PLPPR1: variants seen among roughly 807,000 people sequenced by gnomAD.
PLPPR1 encodes the protein phospholipid phosphatase related 1.
PLPPR1 carries 10 observed loss-of-function variants against 33.1 expected under a neutral mutation model. The ratio of observed to expected loss-of-function variants is 0.30; its 90% CI spans 0.19 to 0.51. PLPPR1 has a LOEUF of 0.51. Among genes scored for constraint, PLPPR1 ranks in the 20% least tolerant of loss-of-function variants. The pLI is 0.97. For missense variants in PLPPR1, 304 were observed against 408.1 expected (o/e 0.74, Z 2.20); for synonymous variants, 151 against 151.0 (o/e 1.00, Z 0.00).
rs1457388306 is a variant in PLPPR1, at chr9:101,078,190, GGGGGGGA to G, written c.-46+49094_-46+49100del. On this transcript the variant is annotated intron_variant, in intron 1 of 7. Transcript: ENST00000374874. ...AAGAAGAAGAAGAAGAAGAAGAGGA[GGGGGGGA>G]GGGGGAGGGGGAGGGGGAGGGGGGA... 2.1e-4 allele frequency among the ~76,000 whole-genome samples: 8 copies of G among 38,588 alleles called. 1 individual carries two copies. The highest frequency in any genetic ancestry group is 1.0e-3 in the African/African-American group (8 of 7,778). The allele number at this position is 38,588 out of a possible 152,430, so 25.3% of individuals were successfully genotyped here.
At chr9:101,064,745 G>A (rs894436712) in intron 1 of PLPPR1, among the ~76,000 whole-genome samples, 15 of 151,992 alleles carry the variant, frequency 9.9e-5, no homozygotes, top group African/African-American at 3.6e-4. Flanking sequence ...CTGGAGGCTG[G>A]GAGGTCTAAG....
intron 1 of PLPPR1, among the ~76,000 whole-genome samples, chr9:101,042,742 T>G (rs1588004192): frequency 6.6e-6 from 1 of 152,204 alleles, no homozygotes; most frequent in African/African-American, 2.4e-5. Flanking sequence ...CAGGGTAATA[T>G]TCTGTAAATG....
At position 101,056,845 on chromosome 9, in the gene PLPPR1, G is replaced by T. The variant is rs376734312; in HGVS notation, c.-46+27743G>T. On this transcript the variant is annotated intron_variant, in intron 1 of 7. Coordinates refer to ENST00000374874, the MANE Select transcript of PLPPR1 (RefSeq NM_207299.2). ...GTGGACCAGTGAGTTTAGAAATGGG[G>T]ATGGAGTGGACTGAAGTATGAACCA... is the stretch of plus-strand genomic sequence containing the variant. Among the ~76,000 whole-genome samples, 7 of 152,246 alleles carry T rather than the reference G, an allele frequency of 4.6e-5. No homozygotes were observed. The East Asian group carries it at 7.7e-4, about 17-fold the overall frequency.
chr9:101,124,779 A>G (rs959909210), intron 1 of PLPPR1, among the ~76,000 whole-genome samples: 1 of 152,098 alleles, frequency 6.6e-6, no homozygotes, highest in Non-Finnish European at 1.5e-5. Context: ...ACTCAAGTAA[A>G]TCCTCTTCCC....
At chr9:101,122,777 T>G (rs1008101328) in intron 1 of PLPPR1, among the ~76,000 whole-genome samples, 3 of 152,240 alleles carry the variant, frequency 2.0e-5, no homozygotes, top group African/African-American at 7.2e-5. Flanking sequence ...TTTTGTATAC[T>G]ACTGTACTTC....
intron 1 of PLPPR1, among the ~76,000 whole-genome samples, chr9:101,115,359 G>C (rs1384463437): frequency 6.6e-6 from 1 of 152,228 alleles, no homozygotes; most frequent in Non-Finnish European, 1.5e-5. Context: ...ATAGTTGTGA[G>C]AGTGATGACT....
Position 101,269,853 on chromosome 9 carries a change from C to T in PLPPR1, c.64-27C>T, listed in dbSNP as rs201000833. 1.2e-5 allele frequency: 20 copies of T among 1,612,340 alleles called. No individual in the cohort carries two copies. In the African/African-American group the frequency reaches 2.7e-4, roughly 21 times the overall value. On this transcript the variant is annotated intron_variant, in intron 2 of 7. Coordinates refer to ENST00000374874, the MANE Select transcript of PLPPR1 (RefSeq NM_207299.2). ...GGCTGCTCCGAAGCCCTGCTAATGT[C>T]TCTGTGTGGCCATGCTGTATTTTCA... is the stretch of plus-strand genomic sequence containing the variant.
intron 4 of PLPPR1, among the ~76,000 whole-genome samples, chr9:101,289,256 A>G (rs1434148938): frequency 2.0e-5 from 3 of 152,142 alleles, no homozygotes; most frequent in Non-Finnish European, 4.4e-5. Flanking sequence ...TACCAATCCC[A>G]TCAACTAGTT....
chr9:101,265,995 CA>C (rs939753643), intron 2 of PLPPR1, among the ~76,000 whole-genome samples: 12 of 140,780 alleles, frequency 8.5e-5, no homozygotes, highest in Admixed American at 4.2e-4. Context: ...GACACCGCCT[CA>C]AAAAAAAAAG....
chr9:101,302,921 A>G lies in PLPPR1; in HGVS notation c.386-6290A>G, dbSNP rs1828779315. 2.6e-5 allele frequency among the ~76,000 whole-genome samples: 4 copies of G among 152,224 alleles called. 1 individual carries two copies. The highest frequency in any genetic ancestry group is 2.6e-4 in the Admixed American group (4 of 15,280). On this transcript the variant is annotated intron_variant, in intron 4 of 7. Transcript: ENST00000374874. Reference sequence around the variant, plus strand: ...CATGCTACTACTTTCACTATCTTTCACGACATCGTTTTACCATAGAGAAAC... The same window carrying G: ...CATGCTACTACTTTCACTATCTTTCGCGACATCGTTTTACCATAGAGAAAC...
At chr9:101,125,180 T>A (rs1831229274) in intron 1 of PLPPR1, among the ~76,000 whole-genome samples, 1 of 152,230 alleles carries the variant, frequency 6.6e-6, no homozygotes, top group Admixed American at 6.5e-5. Flanking sequence ...GACCTTATAT[T>A]GCTAGTCTTC....
chr9:101,277,284 C>T (rs1041817681), intron 3 of PLPPR1, among the ~76,000 whole-genome samples: 3 of 152,172 alleles, frequency 2.0e-5, no homozygotes, highest in African/African-American at 7.2e-5. Flanking sequence ...TCTCCTCTTC[C>T]TCAGAGTGTT....
chr9:101,033,244 C>T (rs1450918699), intron 1 of PLPPR1, among the ~76,000 whole-genome samples: 1 of 152,128 alleles, frequency 6.6e-6, no homozygotes, highest in African/African-American at 2.4e-5. Context: ...AAATTGACTA[C>T]AGGGAGTGCA....
In PLPPR1 at chr9:101,324,350, T is replaced by C. The variant is rs905751680; in HGVS notation, c.*293T>C. 5.4e-5 allele frequency: 16 copies of C among 297,168 alleles called. No homozygotes were observed. Among genetic ancestry groups the C allele is most frequent in the Non-Finnish European group, 9.2e-5 (15 of 162,176 alleles). 18.4% of individuals were successfully genotyped at this position (297,168 alleles called of 1,614,324 possible). On this transcript the variant is annotated 3_prime_UTR_variant, in exon 8 of 8. Coordinates refer to ENST00000374874, the MANE Select transcript of PLPPR1 (RefSeq NM_207299.2). ...TTCAATGGTTGACGTTGTTTTGTGA[T>C]ATTTGTACACAAATTTTCTTTTCTC... is the stretch of plus-strand genomic sequence containing the variant.
intron 1 of PLPPR1, among the ~76,000 whole-genome samples, chr9:101,113,645 A>G (rs959884741): frequency 1.3e-5 from 2 of 152,158 alleles, no homozygotes; most frequent in Non-Finnish European, 1.5e-5. Flanking sequence ...AAAACAAAAA[A>G]CAAAAAACAA....
intron 2 of PLPPR1, among the ~76,000 whole-genome samples, chr9:101,203,827 T>C (rs2118753240): frequency 6.7e-6 from 1 of 148,458 alleles, no homozygotes; most frequent in Middle Eastern, 3.5e-3. Flanking sequence ...CAGAATGTGA[T>C]TTGCAAATTT....
intron 2 of PLPPR1, among the ~76,000 whole-genome samples, chr9:101,265,229 A>G (rs1827966877): frequency 1.3e-5 from 2 of 152,304 alleles, no homozygotes; most frequent in South Asian, 2.1e-4. Flanking sequence ...TGCCTTCTGA[A>G]GCCTCGTGGA....
chr9:101,216,920 A>T (rs576559557), intron 2 of PLPPR1, among the ~76,000 whole-genome samples: 2 of 152,212 alleles, frequency 1.3e-5, no homozygotes, highest in Non-Finnish European at 2.9e-5. Context: ...ATAGAATCAG[A>T]AATTAATGAA....
chr9:101,284,174 G>C (rs1440126955), intron 3 of PLPPR1, among the ~76,000 whole-genome samples: 1 of 152,048 alleles, frequency 6.6e-6, no homozygotes. Context: ...ATATCAAAGA[G>C]ATATCTGAAC....
Sources: allele counts gnomAD v4.1 joint callset (sites outside exome capture counted in the v4.1 genomes callset), GRCh38; gene constraint gnomAD v4.1.1; transcripts MANE v1.5; gene names NCBI Gene and HGNC (gene_info 2026-07-23, HGNC 2026-07-21).